Variants in COBL observed in about 807,000 individuals in gnomAD.
The protein encoded by COBL is cordon-bleu WH2 repeat protein, also known as protein cordon-bleu.
COBL carries 51 observed loss-of-function variants against 98.8 expected under a neutral mutation model. That is an observed-to-expected ratio of 0.52 (90% CI 0.41 to 0.65). COBL has a LOEUF of 0.65. COBL is among the 30% of genes least tolerant of loss of function. COBL has a pLI of 0.00. For missense variants in COBL, 1,617 were observed against 1,617.5 expected (o/e 1.00, Z 0.01); for synonymous variants, 634 against 651.7 (o/e 0.97, Z 0.41).
chr7:51,277,096 G>T (rs1034576418), intron 1 of COBL, among the ~76,000 whole-genome samples: 1 of 152,172 alleles, frequency 6.6e-6, no homozygotes, highest in Non-Finnish European at 1.5e-5. Context: ...AAGGATCACA[G>T]GCCAGTCATC....
At chr7:51,296,638 G>T (rs948557046) in intron 1 of COBL, among the ~76,000 whole-genome samples, 2 of 152,148 alleles carry the variant, frequency 1.3e-5, no homozygotes, top group Non-Finnish European at 2.9e-5. Flanking sequence ...GTATTTTACG[G>T]AATAGTTTTT....
intron 1 of COBL, among the ~76,000 whole-genome samples, chr7:51,304,988 G>A (rs927626480): frequency 2.6e-4 from 39 of 152,022 alleles, no homozygotes; most frequent in African/African-American, 8.5e-4. Context: ...CAAACCAGCC[G>A]TGCTCCCCAG....
chr7:51,294,029 G>A (rs1222913469), intron 1 of COBL, among the ~76,000 whole-genome samples: 1 of 152,204 alleles, frequency 6.6e-6, no homozygotes, highest in Non-Finnish European at 1.5e-5. Context: ...GGTGGCTCAT[G>A]CCTATAATCT....
chr7:51,212,166 C>T (rs1190852555), intron 2 of COBL, among the ~76,000 whole-genome samples: 1 of 152,102 alleles, frequency 6.6e-6, no homozygotes, highest in East Asian at 1.9e-4. Flanking sequence ...TGATTTTAAA[C>T]TTAATAGAAT....
chr7:51,033,410 T>A (rs1172526137), intron 8 of COBL: 1 of 152,274 alleles, frequency 6.6e-6, no homozygotes, highest in Non-Finnish European at 1.5e-5. Context: ...AATTATTACA[T>A]ATATATTTCA....
intron 5 of COBL, among the ~76,000 whole-genome samples, chr7:51,178,817 C>G (rs1788659509): frequency 6.6e-6 from 1 of 152,158 alleles, no homozygotes. Flanking sequence ...CCAAGCTGGT[C>G]AGGCTGGTCT....
At chr7:51,073,370 G>C in intron 7 of COBL, 1 of 695,662 alleles carries the variant, frequency 1.4e-6, no homozygotes, top group Non-Finnish European at 2.6e-6. Flanking sequence ...AGTAGGGAAT[G>C]ACGCACAGCA....
intron 12 of COBL, chr7:51,018,301 A>C (rs1011385624): frequency 1.3e-5 from 2 of 152,644 alleles, no homozygotes; most frequent in Admixed American, 1.3e-4. Context: ...GGTGGTGGTG[A>C]TGCAGACCCT....
At chr7:51,277,241 C>T (rs982304204) in intron 1 of COBL, among the ~76,000 whole-genome samples, 4 of 152,164 alleles carry the variant, frequency 2.6e-5, no homozygotes, top group Admixed American at 2.6e-4. Context: ...TCTGCTCTCA[C>T]GGAAGCCTGA....
chr7:51,098,982 A>G (rs1426004250), intron 6 of COBL, among the ~76,000 whole-genome samples: 1 of 152,164 alleles, frequency 6.6e-6, no homozygotes, highest in Non-Finnish European at 1.5e-5. Flanking sequence ...GAAGATATAC[A>G]AATGGCCACA....
At chr7:51,250,657 C>T (rs1796647360) in intron 1 of COBL, among the ~76,000 whole-genome samples, 1 of 152,144 alleles carries the variant, frequency 6.6e-6, no homozygotes, top group Admixed American at 6.5e-5. Flanking sequence ...AAATGGTTTA[C>T]GAAGTTGTCC....
chr7:51,127,264 C>G (rs114072499), intron 6 of COBL, among the ~76,000 whole-genome samples: 1 of 152,174 alleles, frequency 6.6e-6, no homozygotes, highest in African/African-American at 2.4e-5. Flanking sequence ...ACCCAGAGTC[C>G]GGTTTCTTGA....
chr7:51,043,496 C>A lies in COBL; in HGVS notation c.1293G>T (p.Lys431Asn), dbSNP rs780565347. Residue 431 changes from lysine to asparagine, a missense_variant, in exon 8 of 13, where the codon AAG becomes AAT. By Grantham distance (94) the Lys-to-Asn change is moderately conservative. Coordinates refer to ENST00000265136, the MANE Select transcript of COBL (RefSeq NM_015198.5). ...SQQDSMKYKDKWATDQEDCSD... is the reference protein window; with the variant it reads ...SQQDSMKYKDNWATDQEDCSD... ...TGCAGTCTTCCTGGTCTGTGGCCCA[C>A]TTGTCTTTGTATTTCATGCTGTCCT... is the stretch of plus-strand genomic sequence containing the variant. 6.2e-7 allele frequency: 1 copy of A among 1,614,242 alleles called. No homozygotes were observed. Among genetic ancestry groups the A allele is most frequent in the Non-Finnish European group, 8.5e-7 (1 of 1,180,048 alleles).
intron 1 of COBL, among the ~76,000 whole-genome samples, chr7:51,302,688 A>T (rs896434829): frequency 6.6e-6 from 1 of 152,054 alleles, no homozygotes; most frequent in African/African-American, 2.4e-5. Flanking sequence ...GCTTAAGGCC[A>T]GGAGTTCAAG....
At chr7:51,235,559 G>A (rs1467779249) in intron 1 of COBL, among the ~76,000 whole-genome samples, 2 of 152,178 alleles carry the variant, frequency 1.3e-5, no homozygotes, top group East Asian at 3.9e-4. Context: ...TTTCCAGAGA[G>A]CAATTATATC....
chr7:51,199,200 C>T (rs1341172753), intron 2 of COBL, among the ~76,000 whole-genome samples: 2 of 152,172 alleles, frequency 1.3e-5, no homozygotes, highest in Admixed American at 6.5e-5. Flanking sequence ...CTATTCATAC[C>T]CTTGGTGACA....
chr7:51,243,003 T>C (rs910638778), intron 1 of COBL, among the ~76,000 whole-genome samples: 3 of 152,172 alleles, frequency 2.0e-5, no homozygotes, highest in African/African-American at 7.2e-5. Flanking sequence ...CAGGAGGGGA[T>C]GACCAGGTAT....
At chr7:51,018,969 T>C (rs1786645199) in intron 12 of COBL, among the ~76,000 whole-genome samples, 1 of 138,352 alleles carries the variant, frequency 7.2e-6, no homozygotes, top group Non-Finnish European at 1.6e-5. Flanking sequence ...TTTTTGCAAT[T>C]TTTTTTAAGC....
At chr7:51,084,893 T>C (rs1794045768) in intron 7 of COBL, among the ~76,000 whole-genome samples, 1 of 152,058 alleles carries the variant, frequency 6.6e-6, no homozygotes, top group Non-Finnish European at 1.5e-5. Context: ...CTCACAGGCT[T>C]TCCATTTTCA....
Sources: gnomAD v4.1 joint callset for allele counts (sites outside exome capture counted in the v4.1 genomes callset) on GRCh38, gnomAD v4.1.1 for gene constraint, MANE v1.5 for transcripts, NCBI Gene and HGNC (gene_info 2026-07-23, HGNC 2026-07-21) for gene names.